The following RAPGEF4 variants were observed in gnomAD, a reference collection of about 807,000 sequenced individuals.
RAPGEF4 encodes RAP guanine-nucleotide-exchange factor (GEF) 4.
RAPGEF4 carries 66 observed loss-of-function variants against 147.9 expected under a neutral mutation model. That is an observed-to-expected ratio of 0.45 (90% CI 0.37 to 0.55). RAPGEF4 has a LOEUF of 0.55. Among genes scored for constraint, RAPGEF4 ranks in the 20% least tolerant of loss-of-function variants. The pLI is 0.00. For synonymous variants in RAPGEF4, 419 were observed against 442.7 expected (o/e 0.95, Z 0.67); for missense variants, 1,071 against 1,257.3 (o/e 0.85, Z 2.24).
chr2:172,797,960 A>G (rs1428186790), intron 3 of RAPGEF4, among the ~76,000 whole-genome samples: 1 of 152,166 alleles, frequency 6.6e-6, no homozygotes, highest in African/African-American at 2.4e-5. Context: ...AAGTCTTCCT[A>G]TGTTTCCTCT....
At chr2:172,743,185 A>G (rs141579185) in intron 1 of RAPGEF4, among the ~76,000 whole-genome samples, 2 of 152,302 alleles carry the variant, frequency 1.3e-5, no homozygotes, top group African/African-American at 2.4e-5. Context: ...CACGTCACAG[A>G]TGAGGGAGAG....
At chr2:172,741,037 A>G (rs1380512338) in intron 1 of RAPGEF4, among the ~76,000 whole-genome samples, 4 of 152,230 alleles carry the variant, frequency 2.6e-5, no homozygotes, top group Non-Finnish European at 5.9e-5. Context: ...CCAGGAGGTC[A>G]GGATGCTTAC....
chr2:172,844,035 T>C (rs1019115325), intron 4 of RAPGEF4, among the ~76,000 whole-genome samples: 15 of 152,358 alleles, frequency 9.8e-5, no homozygotes, highest in African/African-American at 3.4e-4. Flanking sequence ...TTGCTTTACA[T>C]AGAAGCAGTT....
chr2:172,871,853 G>C (rs1695278890), intron 4 of RAPGEF4, among the ~76,000 whole-genome samples: 1 of 152,088 alleles, frequency 6.6e-6, no homozygotes, highest in South Asian at 2.1e-4. Context: ...CTGGGTGGCA[G>C]TTGGTTATTT....
At chr2:172,860,254 TAC>T (rs1444394816) in intron 4 of RAPGEF4, 1 of 985,312 alleles carries the variant, frequency 1.0e-6, no homozygotes, top group African/African-American at 1.7e-5. Context: ...AACTAGAATG[TAC>T]CCCTAGGGCT....
rs78878804 is a variant in RAPGEF4 at position 173,020,476 on chromosome 2, G to A, written c.2156-142G>A. 3,296 of 727,792 alleles carry A rather than the reference G, an allele frequency of 4.5e-3. 89 individuals carry two copies. The African/African-American group carries it at 0.052, about 11-fold the overall frequency. The allele number at this position is 727,792 out of a possible 1,614,324, so 45.1% of individuals were successfully genotyped here. On this transcript the variant is annotated intron_variant, in intron 22 of 30. Coordinates refer to ENST00000397081, the MANE Select transcript of RAPGEF4 (RefSeq NM_007023.4). ...TGAATGCCGTCTTTTTTATTCCGTG[G>A]ATCCCTTCAGTACTCTATTTTATGC...
In RAPGEF4 at chr2:172,797,118, A is replaced by G. The variant is rs180736800; in HGVS notation, c.209-407A>G. 3.2e-3 allele frequency among the ~76,000 whole-genome samples: 492 copies of G among 152,368 alleles called. 2 individuals carry two copies. Among genetic ancestry groups the G allele is most frequent in the African/African-American group, 0.012 (479 of 41,590 alleles). ...AATATAGTAGTTAAAATTTTTAAAC[A>G]AAGCAGATTTTGGTTTTTTAAATCA... On this transcript the variant is annotated intron_variant, in intron 2 of 30. Transcript: ENST00000397081.
chr2:172,891,743 C>T (rs1697942831), intron 4 of RAPGEF4, among the ~76,000 whole-genome samples: 1 of 152,198 alleles, frequency 6.6e-6, no homozygotes, highest in East Asian at 1.9e-4. Context: ...GGGACTTGGT[C>T]TGCCTTTATT....
intron 30 of RAPGEF4, among the ~76,000 whole-genome samples, chr2:173,049,553 T>C (rs996760251): frequency 1.3e-5 from 2 of 152,278 alleles, no homozygotes; most frequent in African/African-American, 4.8e-5. Context: ...TATGATGTTC[T>C]TGTTTTATTA....
chr2:173,034,873 A>AACACACACACACACACACAC (rs34646146), intron 27 of RAPGEF4, among the ~76,000 whole-genome samples: 25 of 140,954 alleles, frequency 1.8e-4, no homozygotes, highest in African/African-American at 4.5e-4. Context: ...ACCCCGTCTC[A>AACACACACACACACACACAC]ACACACACAC....
chr2:172,965,953 G>A (rs1689793953), intron 9 of RAPGEF4, among the ~76,000 whole-genome samples: 1 of 152,200 alleles, frequency 6.6e-6, no homozygotes, highest in Admixed American at 6.5e-5. Flanking sequence ...ATGTTTATTA[G>A]TTTGCATTCA....
In RAPGEF4 at chr2:173,042,046, T is replaced by G. The variant is rs1684831991; in HGVS notation, c.2853+5354T>G. Among the ~76,000 whole-genome samples the G allele has an allele frequency of 6.6e-6, 1 of 152,186 alleles. No individual in the cohort carries two copies. The highest frequency in any genetic ancestry group is 2.1e-4 in the South Asian group (1 of 4,830). On this transcript the variant is annotated intron_variant, in intron 29 of 30. Transcript: ENST00000397081. This position sits in a 1 kb window ranked among gnomAD's most constrained non-coding sequence, Gnocchi z 4.2. ...CAGCACTCTCCAACACAACCTTGCC[T>G]TGATAGGGGTTTCACAGCCTGGGAT...
At chr2:172,866,495 A>G (rs1559084837) in intron 4 of RAPGEF4, among the ~76,000 whole-genome samples, 1 of 152,110 alleles carries the variant, frequency 6.6e-6, no homozygotes, top group Non-Finnish European at 1.5e-5. Flanking sequence ...TATAAGTCGT[A>G]TTCAGGGGCA....
chr2:172,793,907 G>A (rs545396480), intron 1 of RAPGEF4, among the ~76,000 whole-genome samples: 12 of 152,090 alleles, frequency 7.9e-5, no homozygotes, highest in African/African-American at 2.2e-4. Context: ...AGGCTGAGGC[G>A]GGAGGATTGC....
intron 12 of RAPGEF4, among the ~76,000 whole-genome samples, chr2:172,987,078 C>T (rs1165543758): frequency 2.0e-5 from 3 of 151,984 alleles, no homozygotes; most frequent in Admixed American, 6.6e-5. Context: ...TTTGGGTGGC[C>T]GAGGCAGGTG....
In RAPGEF4 at chr2:172,889,306, A is replaced by G. The variant is rs115053090; in HGVS notation, c.445-28496A>G. ...CTTTTGGCATGTTTTATAAAAAAAG[A>G]AAACCACTTTTACTGGATTTTCATT... On this transcript the variant is annotated intron_variant, in intron 4 of 30. Transcript: ENST00000397081. Among the ~76,000 whole-genome samples, 1,035 of 152,324 alleles carry G rather than the reference A, an allele frequency of 6.8e-3. 10 individuals are homozygous for G. The highest frequency in any genetic ancestry group is 0.023 in the African/African-American group (965 of 41,570).
At chr2:172,741,649 T>G (rs1694307024) in intron 1 of RAPGEF4, among the ~76,000 whole-genome samples, 1 of 152,102 alleles carries the variant, frequency 6.6e-6, no homozygotes, top group Non-Finnish European at 1.5e-5. Context: ...AAAGAAGAAA[T>G]AGCAGTATGA....
intron 26 of RAPGEF4, among the ~76,000 whole-genome samples, chr2:173,032,098 A>T (rs1697245000): frequency 1.3e-5 from 2 of 152,176 alleles, no homozygotes; most frequent in South Asian, 4.1e-4. Context: ...GAGGGGGAAG[A>T]TCAAGCTGAG....
intron 1 of RAPGEF4, among the ~76,000 whole-genome samples, chr2:172,746,158 C>T (rs1035870144): frequency 1.6e-4 from 24 of 152,192 alleles, no homozygotes; most frequent in African/African-American, 5.8e-4. Flanking sequence ...TCATTCTATT[C>T]TGTGTTGTTG....
Sources: allele counts gnomAD v4.1 joint callset (sites outside exome capture counted in the v4.1 genomes callset), GRCh38; gene constraint gnomAD v4.1.1; non-coding constraint Gnocchi (gnomAD v3.1); transcripts MANE v1.5; gene names NCBI Gene and HGNC (gene_info 2026-07-23, HGNC 2026-07-21).